The following CELA1 variants were observed in gnomAD, a reference collection of about 807,000 sequenced individuals.
CELA1 encodes chymotrypsin-like elastase family member 1.
A neutral mutation model predicts 34.8 loss-of-function variants in CELA1; 28 were observed. That is an observed-to-expected ratio of 0.80 (90% CI 0.60 to 1.10). CELA1 has a LOEUF of 1.10. CELA1 is among the 50% of genes least tolerant of loss of function. CELA1 has a pLI of 0.00. For synonymous variants in CELA1, 140 were observed against 129.8 expected (o/e 1.08, Z -0.53); for missense variants, 288 against 327.5 (o/e 0.88, Z 0.93).
At chr12:51,329,896 C>G (rs935855295) in intron 6 of CELA1, 63 bp from the exon 7 acceptor site, 2 of 1,453,600 alleles carry the variant, frequency 1.4e-6, no homozygotes, top group Non-Finnish European at 1.9e-6. Flanking sequence ...TGCACTCCCC[C>G]CGCCCCCGTC....
intron 6 of CELA1, among the ~76,000 whole-genome samples, chr12:51,338,812 C>T (rs1323482425): frequency 1.3e-5 from 2 of 152,110 alleles, no homozygotes; most frequent in Admixed American, 6.6e-5. Flanking sequence ...AGTTGTTAAA[C>T]TGCATTAAGA....
rs73309752 is a variant in CELA1 at position 51,335,566 on chromosome 12, T to A, written c.609+4294A>T. Among the ~76,000 whole-genome samples, 185 of 151,742 alleles carry A rather than the reference T, an allele frequency of 1.2e-3. 1 individual carries two copies. Among genetic ancestry groups the A allele is most frequent in the African/African-American group, 4.2e-3 (172 of 41,422 alleles). On this transcript the variant is annotated intron_variant, in intron 6 of 7. Transcript: ENST00000293636. ...ACCGCGCCCGGCCAATTTTCTTCTC[T>A]TAGAAGATCCACTCCCTCCATGACT...
intron 6 of CELA1, among the ~76,000 whole-genome samples, chr12:51,339,103 A>C (rs1227848533): frequency 6.6e-6 from 1 of 152,244 alleles, no homozygotes; most frequent in Non-Finnish European, 1.5e-5. Context: ...ACTCACCTGT[A>C]CATACTGCCA....
At chr12:51,340,711 A>C (rs1946529110) in intron 5 of CELA1, among the ~76,000 whole-genome samples, 1 of 152,162 alleles carries the variant, frequency 6.6e-6, no homozygotes, top group South Asian at 2.1e-4. Flanking sequence ...CCTCATGTAT[A>C]AAATGAAGGG....
At chr12:51,342,025 A>G (rs1421850333) in intron 4 of CELA1, among the ~76,000 whole-genome samples, 1 of 152,108 alleles carries the variant, frequency 6.6e-6, no homozygotes, top group Non-Finnish European at 1.5e-5. Flanking sequence ...AAGACTCTCA[A>G]GCCCTCCAGA....
chr12:51,342,093 G>A lies in CELA1; in HGVS notation c.326+482C>T, dbSNP rs192492221. ...CTCACTCTGTCACCCAGGCTGGAGTGCAGTGGCGCGATCTCAGCTCACTGC... is the reference window on the plus strand; with the variant it reads ...CTCACTCTGTCACCCAGGCTGGAGTACAGTGGCGCGATCTCAGCTCACTGC... On this transcript the variant is annotated intron_variant, in intron 4 of 7. Coordinates refer to ENST00000293636, the MANE Select transcript of CELA1 (RefSeq NM_001971.6). Among the ~76,000 whole-genome samples the A allele has an allele frequency of 3.9e-5, 6 of 152,272 alleles. 1 individual carries two copies. The highest frequency in any genetic ancestry group is 3.3e-4 in the Admixed American group (5 of 15,296).
intron 6 of CELA1, among the ~76,000 whole-genome samples, chr12:51,339,289 G>A (rs1319428440): frequency 1.3e-5 from 2 of 152,294 alleles, no homozygotes; most frequent in East Asian, 1.9e-4. Context: ...GGTGGCTCAC[G>A]CCTGTAGTCC....
chr12:51,328,636 C>G lies in CELA1; in HGVS notation c.760-42G>C, dbSNP rs200845981. 58 of 1,611,698 alleles carry G rather than the reference C, an allele frequency of 3.6e-5. No individual in the cohort carries two copies. The Admixed American group carries it at 9.7e-4, about 27-fold the overall frequency. ...TATGTCCACAGTCAGTAACTCCTGC[C>G]TACCTCCTTTCTTGTTTCCTCAGGG... On this transcript the variant is annotated intron_variant, in intron 7 of 7. Transcript: ENST00000293636.
rs1207387920 is a variant in CELA1 at position 51,346,330 on chromosome 12, C to T, written c.16+293G>A. On this transcript the variant is annotated intron_variant, in intron 1 of 7. Coordinates refer to ENST00000293636, the MANE Select transcript of CELA1 (RefSeq NM_001971.6). ...CTGTCAATGGGGGTGGTGGGGAAGC[C>T]CAGGGACCCACCCCACTACCAGATG... is the stretch of plus-strand genomic sequence containing the variant. 2.0e-5 allele frequency among the ~76,000 whole-genome samples: 3 copies of T among 152,142 alleles called. No homozygotes were observed. The East Asian group carries it at 5.8e-4, about 29-fold the overall frequency.
chr12:51,331,811 A>G (rs1349673910), intron 6 of CELA1, among the ~76,000 whole-genome samples: 1 of 152,224 alleles, frequency 6.6e-6, no homozygotes, highest in Non-Finnish European at 1.5e-5. Flanking sequence ...GTGGGGTTGA[A>G]TTAATGAAAA....
intron 7 of CELA1, 123 bp from the exon 8 acceptor site, chr12:51,328,717 G>T: frequency 9.4e-7 from 1 of 1,059,158 alleles, no homozygotes; most frequent in Non-Finnish European, 1.5e-6. Flanking sequence ...AGGGTGTGGG[G>T]ACAGGGAGGC....
At chr12:51,334,529 G>C (rs1279079777) in intron 6 of CELA1, among the ~76,000 whole-genome samples, 3 of 152,038 alleles carry the variant, frequency 2.0e-5, no homozygotes, top group Non-Finnish European at 4.4e-5. Context: ...CACCTCCCCG[G>C]TTCACACCAT....
At chr12:51,342,001 C>T (rs186972088) in intron 4 of CELA1, among the ~76,000 whole-genome samples, 23 of 152,194 alleles carry the variant, frequency 1.5e-4, no homozygotes, top group Non-Finnish European at 8.8e-5. Context: ...TCCAACAAAT[C>T]CTAAAGGTCT....
intron 1 of CELA1, 89 bp from the exon 2 acceptor site, chr12:51,345,966 T>A: frequency 1.2e-6 from 1 of 851,908 alleles, no homozygotes; most frequent in Admixed American, 2.5e-5. Flanking sequence ...CTTTGAGGAA[T>A]GTTAGCCTTG....
At chr12:51,330,124 T>G (rs1206952692) in intron 6 of CELA1, among the ~76,000 whole-genome samples, 4 of 152,188 alleles carry the variant, frequency 2.6e-5, no homozygotes, top group Non-Finnish European at 5.9e-5. Context: ...CAAAAACTCT[T>G]ACCAAGATCT....
chr12:51,345,090 A>T (rs1301315489), intron 2 of CELA1, among the ~76,000 whole-genome samples: 1 of 151,396 alleles, frequency 6.6e-6, no homozygotes, highest in Non-Finnish European at 1.5e-5. Flanking sequence ...ATGCCATTGC[A>T]CTCTAGCCTG....
chr12:51,345,961 A>T, intron 1 of CELA1, 84 bp from the exon 2 acceptor site: 1 of 919,854 alleles, frequency 1.1e-6, no homozygotes, highest in Non-Finnish European at 1.7e-6. Flanking sequence ...TTGTGCTTTG[A>T]GGAATGTTAG....
Position 51,341,321 on chromosome 12 carries a change from A to T in CELA1, c.386T>A (p.Leu129Gln). 1.2e-6 allele frequency: 2 copies of T among 1,614,222 alleles called. No homozygotes were observed. Among genetic ancestry groups the T allele is most frequent in the Non-Finnish European group, 1.7e-6 (2 of 1,180,020 alleles). Residue 129 changes from leucine (L) to glutamine (Q), a missense_variant, in exon 5 of 8, where the codon CTG becomes CAG. Physicochemically the swap from Leu to Gln is moderately radical, Grantham distance 113. Transcript: ENST00000293636. ...QSVTLNSYVQ[L>Q]GVLPQEGAIL... Reference sequence around the variant, plus strand: ...GGCTCCCTCCTGGGGCAGAACACCCAGCTGGACATAGCTATTGAGGGTAAC... The same window carrying T: ...GGCTCCCTCCTGGGGCAGAACACCCTGCTGGACATAGCTATTGAGGGTAAC...
chr12:51,343,982 C>A, intron 2 of CELA1, 129 bp from the exon 3 acceptor site: 1 of 639,932 alleles, frequency 1.6e-6, no homozygotes, highest in Non-Finnish European at 2.8e-6. Flanking sequence ...ATCAGTTGAG[C>A]CTAGGAGCTG....
Sources: allele counts gnomAD v4.1 joint callset (sites outside exome capture counted in the v4.1 genomes callset), GRCh38; gene constraint gnomAD v4.1.1; transcripts MANE v1.5; gene names NCBI Gene and HGNC (gene_info 2026-07-23, HGNC 2026-07-21).